CNTNAP4: variants seen among roughly 807,000 people sequenced by gnomAD.
The protein encoded by CNTNAP4 is contactin associated protein family member 4.
A neutral mutation model predicts 148.4 loss-of-function variants in CNTNAP4; 98 were observed. The ratio of observed to expected loss-of-function variants is 0.66; its 90% CI spans 0.56 to 0.78. CNTNAP4 has a LOEUF of 0.78. Ranked by LOEUF, CNTNAP4 falls within the 30% of genes least tolerant of loss-of-function variation. The pLI is 0.00. For synonymous variants in CNTNAP4, 730 were observed against 565.1 expected, an observed-to-expected ratio of 1.29 and a Z score of -4.14; for missense variants, 1,935 against 1,565.6, an observed-to-expected ratio of 1.24 and a Z score of -3.98.
chr16:76,452,296 A>G (rs2080523355), intron 7 of CNTNAP4, among the ~76,000 whole-genome samples: 1 of 152,182 alleles, frequency 6.6e-6, no homozygotes, highest in Non-Finnish European at 1.5e-5. Flanking sequence ...ATTGACTTTT[A>G]AATTTATATT....
intron 13 of CNTNAP4, among the ~76,000 whole-genome samples, chr16:76,493,115 T>G (rs947675765): frequency 6.6e-6 from 1 of 152,092 alleles, no homozygotes; most frequent in Non-Finnish European, 1.5e-5. Context: ...GGAATAGATT[T>G]GAAGTGGAGA....
At chr16:76,446,316 G>A (rs2080242581) in intron 4 of CNTNAP4, among the ~76,000 whole-genome samples, 1 of 152,002 alleles carries the variant, frequency 6.6e-6, no homozygotes, top group South Asian at 2.1e-4. Flanking sequence ...TTGAAAAATC[G>A]CTTCATATTT....
chr16:76,312,381 C>G (rs1025199572), intron 1 of CNTNAP4, among the ~76,000 whole-genome samples: 4 of 152,142 alleles, frequency 2.6e-5, no homozygotes, highest in Non-Finnish European at 5.9e-5. Flanking sequence ...CTTTGCAAGT[C>G]TAGATCCTGT....
intron 14 of CNTNAP4, among the ~76,000 whole-genome samples, chr16:76,497,312 C>A (rs2082431506): frequency 2.0e-5 from 3 of 152,098 alleles, no homozygotes; most frequent in Admixed American, 1.3e-4. Flanking sequence ...TCTGACATTT[C>A]ACATTGTTAA....
In CNTNAP4 at chr16:76,366,930, A is replaced by T. The variant is rs528402827; in HGVS notation, c.390+11419A>T. Among the ~76,000 whole-genome samples, 65 of 152,284 alleles carry T rather than the reference A, an allele frequency of 4.3e-4. 1 individual carries two copies. In the South Asian group the frequency reaches 0.012, roughly 27 times the overall value. ...TTATAAAGCTATTCATTCTCCCTAAAATCATCCATATAAATGAGATCATTC... is the reference window on the plus strand; with the variant it reads ...TTATAAAGCTATTCATTCTCCCTAATATCATCCATATAAATGAGATCATTC... On this transcript the variant is annotated intron_variant, in intron 3 of 23. Transcript: ENST00000611870.
intron 2 of CNTNAP4, among the ~76,000 whole-genome samples, chr16:76,329,607 G>T (rs976897934): frequency 2.0e-5 from 3 of 152,106 alleles, no homozygotes; most frequent in Non-Finnish European, 2.9e-5. Context: ...TTCTTCCTCA[G>T]TGGGAATTAT....
chr16:76,514,435 T>C (rs1203049457), intron 15 of CNTNAP4, among the ~76,000 whole-genome samples: 1 of 152,236 alleles, frequency 6.6e-6, no homozygotes, highest in African/African-American at 2.4e-5. Context: ...TGTGCAAAAC[T>C]AGTATAAGAC....
intron 3 of CNTNAP4, among the ~76,000 whole-genome samples, chr16:76,392,323 C>T (rs1159415): frequency 0.64 from 97,572 of 151,952 alleles, 31,831 homozygotes; most frequent in East Asian, 0.74. Flanking sequence ...TGGAGAGTTA[C>T]GTTAGGAAAA....
chr16:76,280,565 C>G (rs145525374), intron 1 of CNTNAP4, among the ~76,000 whole-genome samples: 3 of 152,192 alleles, frequency 2.0e-5, no homozygotes, highest in African/African-American at 7.2e-5. Context: ...GTTGAATGAA[C>G]CACGCTCCCT....
chr16:76,337,283 C>A (rs564818391), intron 2 of CNTNAP4, among the ~76,000 whole-genome samples: 2 of 152,252 alleles, frequency 1.3e-5, no homozygotes, highest in South Asian at 4.1e-4. Context: ...AACCAGCCCC[C>A]AGTATTTCAG....
At chr16:76,420,151 C>CTG (rs917618087) in intron 3 of CNTNAP4, among the ~76,000 whole-genome samples, 3 of 75,948 alleles carry the variant, frequency 4.0e-5, no homozygotes, top group Non-Finnish European at 1.1e-4. Flanking sequence ...GAGATGGGTA[C>CTG]TGTGTGTGTG....
At chr16:76,299,999 G>T (rs1212132504) in intron 1 of CNTNAP4, among the ~76,000 whole-genome samples, 1 of 151,846 alleles carries the variant, frequency 6.6e-6, no homozygotes, top group African/African-American at 2.4e-5. Context: ...CTGTTGTGGG[G>T]TGGGGGAGTG....
intron 4 of CNTNAP4, among the ~76,000 whole-genome samples, chr16:76,444,634 G>C (rs1485709985): frequency 6.6e-6 from 1 of 151,986 alleles, no homozygotes; most frequent in Non-Finnish European, 1.5e-5. Flanking sequence ...TTTTGTAATT[G>C]TTTAAGATGA....
chr16:76,397,936 GATTATAT>G (rs2078258641), intron 3 of CNTNAP4, among the ~76,000 whole-genome samples: 2 of 64,848 alleles, frequency 3.1e-5, no homozygotes, highest in Non-Finnish European at 5.8e-5. Context: ...AGAACTAATA[GATTATAT>G]ACATATATAT....
intron 3 of CNTNAP4, among the ~76,000 whole-genome samples, chr16:76,403,465 T>A (rs1306383803): frequency 6.6e-6 from 1 of 152,132 alleles, no homozygotes; most frequent in East Asian, 1.9e-4. Flanking sequence ...TCACTGATCA[T>A]TAGAGAAATA....
intron 1 of CNTNAP4, among the ~76,000 whole-genome samples, chr16:76,280,682 T>C (rs1347057406): frequency 6.6e-6 from 1 of 152,158 alleles, no homozygotes; most frequent in African/African-American, 2.4e-5. Context: ...AAGTGTCCCT[T>C]CCATCAAAGT....
rs1482190716 is a variant in CNTNAP4, at chr16:76,508,830, G to T, written c.2365+10136G>T. Among the ~76,000 whole-genome samples the T allele has an allele frequency of 2.3e-5, 2 of 85,798 alleles. 1 individual carries two copies. The highest frequency in any genetic ancestry group is 1.0e-3 in the South Asian group (2 of 1,992). The allele number at this position is 85,798 out of a possible 152,430, so 56.3% of individuals were successfully genotyped here. A position where few individuals can be genotyped will look rare whatever the true frequency, so the allele number is the denominator to read the frequency against. On this transcript the variant is annotated intron_variant, in intron 15 of 23. Transcript: ENST00000611870. ...TGCAGTGGCACGATCTCGGCTCACT[G>T]CAAGCTCCGCCTCCTGGGTTCACGC...
At chr16:76,312,133 C>T (rs991041832) in intron 1 of CNTNAP4, among the ~76,000 whole-genome samples, 6 of 152,128 alleles carry the variant, frequency 3.9e-5, no homozygotes, top group Admixed American at 3.9e-4. Context: ...TATTGTTTCT[C>T]AACCTTGGCA....
intron 2 of CNTNAP4, among the ~76,000 whole-genome samples, chr16:76,346,254 T>C (rs577665327): frequency 2.0e-5 from 3 of 152,008 alleles, no homozygotes; most frequent in Non-Finnish European, 4.4e-5. Context: ...TGTCTGAAAT[T>C]GGTTTTGCAC....
Sources: allele counts gnomAD v4.1 joint callset (sites outside exome capture counted in the v4.1 genomes callset), GRCh38; gene constraint gnomAD v4.1.1; transcripts MANE v1.5; gene names NCBI Gene and HGNC (gene_info 2026-07-23, HGNC 2026-07-21).